Variants in MTX2 observed in about 807,000 individuals in gnomAD.
The protein encoded by MTX2 is metaxin 2.
A neutral mutation model predicts 42.3 loss-of-function variants in MTX2; 35 were observed. The observed-to-expected ratio is 0.83, with a 90% CI of 0.63 to 1.10. The LOEUF (loss-of-function observed/expected upper bound fraction) is 1.10, where lower values mean the gene tolerates loss of function less well. MTX2 is among the 50% of genes least tolerant of loss of function. MTX2 has a pLI of 0.00. For synonymous variants in MTX2, 119 were observed against 100.9 expected (o/e 1.18, Z -1.08); for missense variants, 307 against 304.1 (o/e 1.01, Z -0.07).
intron 1 of MTX2, among the ~76,000 whole-genome samples, chr2:176,291,345 A>G (rs1693323843): frequency 6.6e-6 from 1 of 152,180 alleles, no homozygotes; most frequent in South Asian, 2.1e-4. Flanking sequence ...AATAACAACA[A>G]TGATGATAGT....
intron 9 of MTX2, among the ~76,000 whole-genome samples, chr2:176,333,390 T>G (rs897822205): frequency 1.3e-5 from 2 of 151,720 alleles, no homozygotes; most frequent in Non-Finnish European, 3.0e-5. Flanking sequence ...GTCTTTTTGT[T>G]AAGTCAGGTT....
At position 176,329,510 on chromosome 2, in the gene MTX2, AT is replaced by A. The variant is rs948270292; in HGVS notation, c.543+85del. The stretch of plus-strand genomic sequence containing the variant: ...TTTATATTGATACTCCTTTAAAAAA[AT>A]ATATATAAGATTTGCAAGAAAACCA... On this transcript the variant is annotated intron_variant, in intron 8 of 9. Transcript: ENST00000249442. The A allele has an allele frequency of 5.7e-5, 74 of 1,287,246 alleles. 1 individual carries two copies. The highest frequency in any genetic ancestry group is 2.0e-4 in the Middle Eastern group (1 of 5,062). The allele number at this position is 1,287,246 out of a possible 1,614,324, so 79.7% of individuals were successfully genotyped here.
At chr2:176,276,403 C>T (rs1057318414) in intron 1 of MTX2, among the ~76,000 whole-genome samples, 9 of 152,000 alleles carry the variant, frequency 5.9e-5, no homozygotes, top group Non-Finnish European at 7.4e-5. Context: ...GATTTATATA[C>T]GTAATTGCTA....
At chr2:176,326,269 C>T (rs1475180964) in intron 4 of MTX2, among the ~76,000 whole-genome samples, 4 of 151,668 alleles carry the variant, frequency 2.6e-5, no homozygotes, top group African/African-American at 9.7e-5. Context: ...ACTAGCATGC[C>T]TTCAAAGATT....
Position 176,319,149 on chromosome 2 carries a change from T to G in MTX2, c.136-4243T>G, listed in dbSNP as rs183716371. Among the ~76,000 whole-genome samples, 11 of 152,340 alleles carry G rather than the reference T, an allele frequency of 7.2e-5. No homozygotes were observed. In the East Asian group the frequency reaches 2.1e-3, roughly 29 times the overall value. Reference sequence around the variant, plus strand: ...TGAGTTGTTCCAAGTTCATTATTCATTATTATAATTTGAAATACATTTTTC... The same window carrying G: ...TGAGTTGTTCCAAGTTCATTATTCAGTATTATAATTTGAAATACATTTTTC... On this transcript the variant is annotated intron_variant, in intron 3 of 9. Coordinates refer to ENST00000249442, the MANE Select transcript of MTX2 (RefSeq NM_006554.5).
At chr2:176,278,040 G>GTT (rs1692988567) in intron 1 of MTX2, among the ~76,000 whole-genome samples, 2 of 128,970 alleles carry the variant, frequency 1.6e-5, no homozygotes, top group African/African-American at 6.3e-5. Flanking sequence ...GGTTGAAACT[G>GTT]GTTTTTTTTT....
At chr2:176,330,783 A>G in intron 9 of MTX2, 123 bp downstream of exon 9, 1 of 688,038 alleles carries the variant, frequency 1.5e-6, no homozygotes, top group Non-Finnish European at 2.4e-6. Context: ...TTGTACTCAA[A>G]TATTTTTGTG....
At position 176,330,678 on chromosome 2, in the gene MTX2, T is replaced by C; in HGVS notation, c.620+18T>C. 6.4e-7 allele frequency: 1 copy of C among 1,568,580 alleles called. No homozygotes were observed. Among genetic ancestry groups the C allele is most frequent in the Non-Finnish European group, 8.7e-7 (1 of 1,148,088 alleles). ...AATAAGCAGTAAGAAATTTTACTTTTTTAAAGTTAATTTTCTGTACTGTTA... is the reference window on the plus strand; with the variant it reads ...AATAAGCAGTAAGAAATTTTACTTTCTTAAAGTTAATTTTCTGTACTGTTA... On this transcript the variant is annotated intron_variant, in intron 9 of 9. Transcript: ENST00000249442.
intron 3 of MTX2, among the ~76,000 whole-genome samples, chr2:176,298,275 CAT>C (rs1683939506): frequency 6.6e-6 from 1 of 151,998 alleles, no homozygotes; most frequent in Non-Finnish European, 1.5e-5. Context: ...TTATTTATCA[CAT>C]ATTTTTAAGC....
chr2:176,284,349 A>C (rs941161814), intron 1 of MTX2, among the ~76,000 whole-genome samples: 1 of 152,104 alleles, frequency 6.6e-6, no homozygotes, highest in South Asian at 2.1e-4. Context: ...AATTTGACTT[A>C]TATTTATTTA....
intron 3 of MTX2, among the ~76,000 whole-genome samples, chr2:176,323,083 A>G (rs143858768): frequency 4.6e-5 from 7 of 152,056 alleles, no homozygotes; most frequent in Admixed American, 4.6e-4. Context: ...AAAGCTATAT[A>G]TATAGTATTG....
At chr2:176,313,913 G>A (rs1338676491) in intron 3 of MTX2, among the ~76,000 whole-genome samples, 1 of 152,084 alleles carries the variant, frequency 6.6e-6, no homozygotes, top group Non-Finnish European at 1.5e-5. Flanking sequence ...CAGAAAGTAA[G>A]AATAAAGGAT....
intron 1 of MTX2, among the ~76,000 whole-genome samples, chr2:176,272,975 GA>G (rs530163771): frequency 2.6e-5 from 4 of 151,912 alleles, no homozygotes; most frequent in East Asian, 3.8e-4. Flanking sequence ...AAGTTACAAA[GA>G]AAAAAAATTC....
At chr2:176,271,227 C>T (rs1361070772) in intron 1 of MTX2, among the ~76,000 whole-genome samples, 1 of 152,016 alleles carries the variant, frequency 6.6e-6, no homozygotes, top group Non-Finnish European at 1.5e-5. Context: ...ACTACTAAGT[C>T]ATTACACCAC....
At chr2:176,313,539 T>C (rs1575053069) in intron 3 of MTX2, among the ~76,000 whole-genome samples, 1 of 151,870 alleles carries the variant, frequency 6.6e-6, no homozygotes, top group Non-Finnish European at 1.5e-5. Flanking sequence ...ATTACAGGTG[T>C]GCACCACCAC....
At chr2:176,281,442 C>G (rs1023009365) in intron 1 of MTX2, among the ~76,000 whole-genome samples, 7 of 152,158 alleles carry the variant, frequency 4.6e-5, no homozygotes, top group African/African-American at 1.7e-4. Flanking sequence ...TTGGCTTCCT[C>G]ACAGCTTGGT....
At chr2:176,293,936 G>C (rs1683770963) in intron 1 of MTX2, among the ~76,000 whole-genome samples, 1 of 152,148 alleles carries the variant, frequency 6.6e-6, no homozygotes, top group African/African-American at 2.4e-5. Flanking sequence ...ATTCCTAGCT[G>C]CTGGCTATAT....
chr2:176,310,504 G>T (rs1427844366), intron 3 of MTX2, among the ~76,000 whole-genome samples: 1 of 152,146 alleles, frequency 6.6e-6, no homozygotes, highest in African/African-American at 2.4e-5. Flanking sequence ...TTTCCAGGTT[G>T]GTTCCATTCC....
intron 1 of MTX2, among the ~76,000 whole-genome samples, chr2:176,286,504 T>C (rs1693206000): frequency 6.6e-6 from 1 of 152,036 alleles, no homozygotes; most frequent in African/African-American, 2.4e-5. Flanking sequence ...CCATCTGCCT[T>C]GGGTATTCTA....
Sources: gnomAD v4.1 joint callset for allele counts (sites outside exome capture counted in the v4.1 genomes callset) on GRCh38, gnomAD v4.1.1 for gene constraint, MANE v1.5 for transcripts, NCBI Gene and HGNC (gene_info 2026-07-23, HGNC 2026-07-21) for gene names.